Variants in ADGRL2 observed in about 807,000 individuals in gnomAD.
ADGRL2 encodes the protein adhesion G protein-coupled receptor L2, also known as calcium-independent alpha-latrotoxin receptor 2.
A neutral mutation model predicts 157.4 loss-of-function variants in ADGRL2; 44 were observed. The observed-to-expected ratio is 0.28, with a 90% confidence interval of 0.22 to 0.36. The LOEUF is 0.36. ADGRL2 is among the 10% of genes least tolerant of loss of function. The pLI is 1.00. For synonymous variants in ADGRL2, 585 were observed against 624.7 expected (o/e 0.94, Z 0.95); for missense variants, 1,510 against 1,768.9 (o/e 0.85, Z 2.63).
At chr1:81,725,396 G>A (rs1396309941) in intron 1 of ADGRL2, among the ~76,000 whole-genome samples, 4 of 151,824 alleles carry the variant, frequency 2.6e-5, no homozygotes, top group African/African-American at 4.8e-5. Context: ...AAAATTAGCT[G>A]GGCGTGGTAG....
chr1:81,313,647 A>G (rs1659906939), intron 1 of ADGRL2, among the ~76,000 whole-genome samples: 1 of 152,206 alleles, frequency 6.6e-6, no homozygotes, highest in Non-Finnish European at 1.5e-5. Context: ...GATCAGACAA[A>G]TATAAAATTC....
intron 2 of ADGRL2, among the ~76,000 whole-genome samples, chr1:81,501,461 G>A (rs958084819): frequency 6.6e-6 from 1 of 152,232 alleles, no homozygotes; most frequent in South Asian, 2.1e-4. Flanking sequence ...TTCCATTTTA[G>A]TGAGAGCTCA....
rs60265943 is a variant in ADGRL2, at chr1:81,712,755, A to ATT, written c.-143+12971_-143+12972dup. 7.0e-3 allele frequency among the ~76,000 whole-genome samples: 701 copies of ATT among 100,178 alleles called. 7 individuals are homozygous for ATT. The highest frequency in any genetic ancestry group is 0.012 in the African/African-American group (291 of 24,734). 65.7% of individuals were successfully genotyped at this position (100,178 alleles called of 152,430 possible). On this transcript the variant is annotated intron_variant, in intron 1 of 20. Coordinates refer to the ADGRL2 transcript ENST00000359929. ...GAGCACCAATTTACCTGGATCGCGG[A>ATT]TTTTTTTTTTTTTTTTTTTTTTTTT...
At chr1:81,453,338 G>GA (rs1454913037) in intron 2 of ADGRL2, among the ~76,000 whole-genome samples, 2 of 151,978 alleles carry the variant, frequency 1.3e-5, no homozygotes, top group South Asian at 2.1e-4. Flanking sequence ...AGAAGTAGAT[G>GA]AAAAAACGCC....
chr1:81,896,573 A>G (rs12120680), intron 2 of ADGRL2, among the ~76,000 whole-genome samples: 25,513 of 152,068 alleles, frequency 0.17, 2,580 homozygotes, highest in Middle Eastern at 0.32. Context: ...AAACTTTAAT[A>G]TATATATAAA....
rs2079130635 is a variant in ADGRL2, at chr1:81,514,186, A to G, written c.-247-66690A>G. 2 of 152,168 alleles carry G rather than the reference A, an allele frequency of 1.3e-5. 1 individual carries two copies. Among genetic ancestry groups the G allele is most frequent in the South Asian group, 4.1e-4 (2 of 4,828 alleles). The allele number at this position is 152,168 out of a possible 1,614,324, so 9.4% of individuals were successfully genotyped here. On this transcript the variant is annotated intron_variant, in intron 2 of 24. Transcript: ENST00000370721. ...AGATTTGTCTGGAGGCTTAGTTTGTATAGCAATCTCAGTTTTTACCTAGGT... is the reference window on the plus strand; with the variant it reads ...AGATTTGTCTGGAGGCTTAGTTTGTGTAGCAATCTCAGTTTTTACCTAGGT...
chr1:81,330,471 T>A (rs1661197428), intron 1 of ADGRL2, among the ~76,000 whole-genome samples: 1 of 152,192 alleles, frequency 6.6e-6, no homozygotes, highest in Non-Finnish European at 1.5e-5. Context: ...TTAATTTCTC[T>A]AACTACAATC....
At chr1:81,790,156 G>A in intron 2 of ADGRL2, among the ~76,000 whole-genome samples, 1 of 152,132 alleles carries the variant, frequency 6.6e-6, no homozygotes, top group East Asian at 1.9e-4. Flanking sequence ...GTGTTCTAGG[G>A]AAAATGTGCT....
intron 11 of ADGRL2, among the ~76,000 whole-genome samples, chr1:81,963,642 C>G (rs1017701255): frequency 2.6e-5 from 4 of 151,350 alleles, no homozygotes. Flanking sequence ...TCTGTGAATA[C>G]TTTTTAAATT....
At chr1:81,511,367 C>A (rs559265822) in intron 2 of ADGRL2, among the ~76,000 whole-genome samples, 101 of 139,844 alleles carry the variant, frequency 7.2e-4, no homozygotes, top group Non-Finnish European at 1.3e-3. Context: ...CACAGCAAGA[C>A]CTTGTCTCAG....
intron 1 of ADGRL2, among the ~76,000 whole-genome samples, chr1:81,371,396 G>A (rs945405729): frequency 4.6e-5 from 7 of 152,110 alleles, no homozygotes; most frequent in Admixed American, 1.3e-4. Context: ...GGAAAGAAAA[G>A]TATCAATAAA....
intron 1 of ADGRL2, among the ~76,000 whole-genome samples, chr1:81,377,168 G>C (rs2076264778): frequency 6.6e-6 from 1 of 152,024 alleles, no homozygotes; most frequent in African/African-American, 2.4e-5. Flanking sequence ...GAGAAAGACT[G>C]CCTGAAAAAG....
chr1:81,556,627 A>T lies in ADGRL2; in HGVS notation c.-247-24249A>T, dbSNP rs557901094. ...TTTGCTAAAGACCAAAAAAAAAAAAATTTTTTTTTACTTGGTTTATCCAAG... is the reference window on the plus strand; with the variant it reads ...TTTGCTAAAGACCAAAAAAAAAAAATTTTTTTTTTACTTGGTTTATCCAAG... On this transcript the variant is annotated intron_variant, in intron 2 of 24. Coordinates refer to the ADGRL2 transcript ENST00000370721. 2.0e-3 allele frequency among the ~76,000 whole-genome samples: 304 copies of T among 151,516 alleles called. 2 individuals carry two copies. The highest frequency in any genetic ancestry group is 6.9e-3 in the African/African-American group (285 of 41,318).
Position 81,830,291 on chromosome 1 carries a change from G to C in ADGRL2, c.-100-6594G>C, listed in dbSNP as rs180878297. ...AAAAATGTGTAGGAAGTACTCACTG[G>C]ATATTCATTGACTTGACTGGACATA... On this transcript the variant is annotated intron_variant, in intron 1 of 23. Coordinates refer to ENST00000686636, the MANE Select transcript of ADGRL2 (RefSeq NM_001366006.2). Among the ~76,000 whole-genome samples, 330 of 152,176 alleles carry C rather than the reference G, an allele frequency of 2.2e-3. 1 individual carries two copies. The highest frequency in any genetic ancestry group is 2.1e-3 in the Non-Finnish European group (144 of 68,004).
At chr1:81,539,447 G>C (rs115483630) in intron 2 of ADGRL2, among the ~76,000 whole-genome samples, 1 of 152,072 alleles carries the variant, frequency 6.6e-6, no homozygotes, top group Non-Finnish European at 1.5e-5. Flanking sequence ...ATTTCACAAC[G>C]TTCACACGTG....
At chr1:81,885,120 G>A (rs988673628) in intron 2 of ADGRL2, among the ~76,000 whole-genome samples, 1 of 152,018 alleles carries the variant, frequency 6.6e-6, no homozygotes, top group African/African-American at 2.4e-5. Flanking sequence ...TTTGAAAAAC[G>A]ACCAATACGA....
intron 10 of ADGRL2, 23 bp downstream of exon 10, chr1:81,953,048 C>G (rs1652355607): frequency 6.2e-7 from 1 of 1,603,740 alleles, no homozygotes; most frequent in Admixed American, 1.7e-5. Context: ...TGCTGTCACC[C>G]TGCTTTCTCC....
At chr1:81,944,054 T>A (rs145956650) in intron 6 of ADGRL2, among the ~76,000 whole-genome samples, 1 of 152,012 alleles carries the variant, frequency 6.6e-6, no homozygotes, top group African/African-American at 2.4e-5. Flanking sequence ...TTTTTTTGTT[T>A]GGTTGTTTTC....
rs541747553 is a variant in ADGRL2 at position 81,326,356 on chromosome 1, T to C, written c.-302+19847T>C. Among the ~76,000 whole-genome samples the C allele has an allele frequency of 1.2e-3, 189 of 152,350 alleles. 2 individuals carry two copies. Among genetic ancestry groups the C allele is most frequent in the Middle Eastern group, 0.01 (3 of 294 alleles). On this transcript the variant is annotated intron_variant, in intron 1 of 24. Coordinates refer to the ADGRL2 transcript ENST00000370721. ...TCTAGAGCTCTTTAATAAGACCGTC[T>C]GTTAAGACTAGGGCAGTGACTGATT...
Sources: allele counts gnomAD v4.1 joint callset (sites outside exome capture counted in the v4.1 genomes callset), GRCh38; gene constraint gnomAD v4.1.1; transcripts MANE v1.5; gene names NCBI Gene and HGNC (gene_info 2026-07-23, HGNC 2026-07-21).